The following LRRC4C variants were observed in gnomAD, a reference collection of about 807,000 sequenced individuals.
LRRC4C encodes leucine-rich repeat-containing protein 4C.
A neutral mutation model predicts 33.6 loss-of-function variants in LRRC4C; 5 were observed. The observed-to-expected ratio is 0.15, with a 90% CI of 0.08 to 0.31. The LOEUF (loss-of-function observed/expected upper bound fraction) is 0.31. LRRC4C is among the 10% of genes least tolerant of loss of function. The pLI is 1.00. For missense variants in LRRC4C, 560 were observed against 796.7 expected, an observed-to-expected ratio of 0.70 and a Z score of 3.58; for synonymous variants, 329 against 302.0, an observed-to-expected ratio of 1.09 and a Z score of -0.93.
chr11:41,116,640 C>T (rs568104165), intron 1 of LRRC4C, among the ~76,000 whole-genome samples: 2 of 152,118 alleles, frequency 1.3e-5, no homozygotes, highest in South Asian at 4.2e-4. Flanking sequence ...AGTGGAAGGA[C>T]TGAGATGTTA....
At chr11:41,214,767 A>ATG (rs1207180575) in intron 1 of LRRC4C, among the ~76,000 whole-genome samples, 1 of 143,666 alleles carries the variant, frequency 7.0e-6, no homozygotes, top group Non-Finnish European at 1.5e-5. Context: ...AAATATATAT[A>ATG]TATATATACA....
intron 1 of LRRC4C, among the ~76,000 whole-genome samples, chr11:41,345,765 C>T (rs914287293): frequency 1.3e-5 from 2 of 151,888 alleles, no homozygotes; most frequent in African/African-American, 4.8e-5. Context: ...GCACTAGATA[C>T]GATAGAAGCA....
At chr11:40,693,675 T>A (rs1281961524) in intron 2 of LRRC4C, among the ~76,000 whole-genome samples, 1 of 151,898 alleles carries the variant, frequency 6.6e-6, no homozygotes, top group Admixed American at 6.6e-5. Context: ...TTGAAAAGAG[T>A]TATTTTGAGC....
chr11:40,601,669 G>T (rs1292241014), intron 3 of LRRC4C, among the ~76,000 whole-genome samples: 7 of 152,056 alleles, frequency 4.6e-5, no homozygotes, highest in Admixed American at 4.6e-4. Flanking sequence ...AATTCATCAA[G>T]GTTGTAATTT....
At chr11:41,207,339 C>T (rs1249627893) in intron 1 of LRRC4C, among the ~76,000 whole-genome samples, 1 of 151,886 alleles carries the variant, frequency 6.6e-6, no homozygotes, top group African/African-American at 2.4e-5. Flanking sequence ...TTATAAAGAT[C>T]CAGGGGGCTG....
chr11:40,481,686 C>T (rs1953576640), intron 3 of LRRC4C, among the ~76,000 whole-genome samples: 1 of 152,022 alleles, frequency 6.6e-6, no homozygotes, highest in Admixed American at 6.6e-5. Context: ...AATGTATCCT[C>T]TATGATAAAT....
intron 1 of LRRC4C, among the ~76,000 whole-genome samples, chr11:41,056,835 G>A (rs1195291824): frequency 6.6e-6 from 1 of 152,222 alleles, no homozygotes; most frequent in East Asian, 1.9e-4. Flanking sequence ...GCCATCTGGA[G>A]CAGCCACTGC....
At chr11:40,357,707 T>A (rs948549127) in intron 3 of LRRC4C, among the ~76,000 whole-genome samples, 3 of 151,988 alleles carry the variant, frequency 2.0e-5, no homozygotes, top group Non-Finnish European at 2.9e-5. Flanking sequence ...CACAGAGTCA[T>A]GGAGGTATAT....
rs181306264 is a variant in LRRC4C at position 40,654,159 on chromosome 11, G to A, written c.-406-5881C>T. 5.3e-3 allele frequency among the ~76,000 whole-genome samples: 801 copies of A among 152,322 alleles called. 3 individuals are homozygous for A. Among genetic ancestry groups the A allele is most frequent in the Admixed American group, 8.3e-3 (127 of 15,304 alleles). On this transcript the variant is annotated intron_variant, in intron 2 of 6. Transcript: ENST00000528697. ...ACCACTGCTAGGGCAGTGTGGATGG[G>A]AAATGTGGGATTGGAACTCCCACAC...
At chr11:41,235,898 T>G (rs1457893163) in intron 1 of LRRC4C, among the ~76,000 whole-genome samples, 1 of 152,120 alleles carries the variant, frequency 6.6e-6, no homozygotes, top group African/African-American at 2.4e-5. Flanking sequence ...AGGTAGATAC[T>G]CCAGCTGCCC....
intron 2 of LRRC4C, among the ~76,000 whole-genome samples, chr11:40,918,675 A>C (rs181291744): frequency 1.3e-3 from 203 of 152,244 alleles, no homozygotes; most frequent in African/African-American, 4.6e-3. Flanking sequence ...ACTTTATCAG[A>C]ATATCTTTGA....
At chr11:40,530,159 TA>T (rs1049155423) in intron 3 of LRRC4C, among the ~76,000 whole-genome samples, 3 of 152,078 alleles carry the variant, frequency 2.0e-5, no homozygotes, top group Non-Finnish European at 4.4e-5. Context: ...AAGTTATTCT[TA>T]AAAACATTTT....
intron 3 of LRRC4C, among the ~76,000 whole-genome samples, chr11:40,519,182 A>G (rs954191180): frequency 6.6e-6 from 1 of 152,104 alleles, no homozygotes; most frequent in African/African-American, 2.4e-5. Flanking sequence ...TGGCATGTGT[A>G]TACATATGTA....
chr11:41,433,160 C>A (rs576343654), intron 1 of LRRC4C, among the ~76,000 whole-genome samples: 1 of 151,968 alleles, frequency 6.6e-6, no homozygotes, highest in Non-Finnish European at 1.5e-5. Flanking sequence ...ATGTGAAACA[C>A]GAGTTTATGA....
At position 40,114,886 on chromosome 11, in the gene LRRC4C, T is replaced by A; in HGVS notation, c.1407A>T (p.Ala469=). The change falls in exon 7 of 7, where the codon GCA becomes GCT. Residue 469 remains alanine, a synonymous_variant. Coordinates refer to ENST00000528697, the MANE Select transcript of LRRC4C (RefSeq NM_001258419.2). ...VETMEPSQDE[A]RTTDNNVGPT... ...GACCCACATTGTTATCTGTGGTCCG[T>A]GCCTCATCCTGAGACGGTTCCATAG... 6.2e-7 allele frequency: 1 copy of A among 1,614,172 alleles called. No individual in the cohort carries two copies.
chr11:41,229,483 G>A (rs1349080998), intron 1 of LRRC4C, among the ~76,000 whole-genome samples: 1 of 152,014 alleles, frequency 6.6e-6, no homozygotes, highest in Non-Finnish European at 1.5e-5. Flanking sequence ...ATGTGTCATT[G>A]CATATTCACC....
At chr11:41,444,918 C>T (rs1955771379) in intron 1 of LRRC4C, among the ~76,000 whole-genome samples, 1 of 151,986 alleles carries the variant, frequency 6.6e-6, no homozygotes, top group South Asian at 2.1e-4. Flanking sequence ...ATTCTCCTGC[C>T]TCAGCCTCCC....
intron 3 of LRRC4C, among the ~76,000 whole-genome samples, chr11:40,364,837 A>C (rs1488100209): frequency 6.6e-6 from 1 of 152,088 alleles, no homozygotes; most frequent in African/African-American, 2.4e-5. Flanking sequence ...AAGATAAAAA[A>C]GACAGACTTC....
chr11:40,465,304 T>C (rs963125974), intron 3 of LRRC4C, among the ~76,000 whole-genome samples: 5 of 151,936 alleles, frequency 3.3e-5, no homozygotes, highest in Admixed American at 3.3e-4. Context: ...TATACAAAAA[T>C]TATCTCAAGA....
Sources: gnomAD v4.1 joint callset for allele counts (sites outside exome capture counted in the v4.1 genomes callset) on GRCh38, gnomAD v4.1.1 for gene constraint, MANE v1.5 for transcripts, NCBI Gene and HGNC (gene_info 2026-07-23, HGNC 2026-07-21) for gene names.